KALRN: variants seen among roughly 807,000 people sequenced by gnomAD.
The protein encoded by KALRN is kalirin RhoGEF kinase.
KALRN carries 70 observed loss-of-function variants against 353.7 expected under a neutral mutation model. The observed-to-expected ratio is 0.20, with a 90% CI of 0.16 to 0.24. KALRN has a LOEUF of 0.24. KALRN is among the 10% of genes least tolerant of loss of function. KALRN has a pLI of 1.00. For synonymous variants in KALRN, 1,391 were observed against 1,434.8 expected, an observed-to-expected ratio of 0.97 and a Z score of 0.69; for missense variants, 2,791 against 3,756.7, an observed-to-expected ratio of 0.74 and a Z score of 6.72.
chr3:124,269,286 G>T, intron 5 of KALRN, 31 bp downstream of exon 5: 1 of 1,551,630 alleles, frequency 6.4e-7, no homozygotes, highest in South Asian at 1.2e-5. Context: ...ACCTGAGCCG[G>T]GATGGGGGTG....
intron 1 of KALRN, among the ~76,000 whole-genome samples, chr3:124,057,950 A>G (rs190460742): frequency 6.6e-6 from 1 of 152,338 alleles, no homozygotes; most frequent in African/African-American, 2.4e-5. Context: ...GCAATTTGCA[A>G]AAGAGGTTTA....
intron 10 of KALRN, among the ~76,000 whole-genome samples, chr3:124,371,429 A>G (rs1401097855): frequency 6.6e-6 from 1 of 152,138 alleles, no homozygotes. Context: ...TAGTGATTTC[A>G]TTTCCTTTGG....
intron 4 of KALRN, among the ~76,000 whole-genome samples, chr3:124,265,714 T>C (rs2073443276): frequency 6.6e-6 from 1 of 152,198 alleles, no homozygotes; most frequent in African/African-American, 2.4e-5. Context: ...TCCTATACAA[T>C]AGTATATATA....
At chr3:124,126,004 C>G (rs1389895435) in intron 1 of KALRN, among the ~76,000 whole-genome samples, 1 of 152,112 alleles carries the variant, frequency 6.6e-6, no homozygotes, top group Non-Finnish European at 1.5e-5. Flanking sequence ...CCCCAAATCT[C>G]GACAGCTTAC....
intron 34 of KALRN, among the ~76,000 whole-genome samples, chr3:124,598,245 G>A (rs1010148911): frequency 2.0e-5 from 3 of 152,188 alleles, no homozygotes; most frequent in Non-Finnish European, 2.9e-5. Flanking sequence ...ACCTAGGAGA[G>A]AGAGGTCCAG....
At position 124,563,076 on chromosome 3, in the gene KALRN, C is replaced by A. The variant is rs746304761; in HGVS notation, c.5169C>A (p.Phe1723Leu). 2.9e-6 allele frequency: 4 copies of A among 1,367,606 alleles called. No individual in the cohort carries two copies. The highest frequency in any genetic ancestry group is 2.1e-4 in the Middle Eastern group (1 of 4,764). 84.7% of individuals were successfully genotyped at this position (1,367,606 alleles called of 1,614,324 possible). A position where few individuals can be genotyped will look rare whatever the true frequency, so the allele number is the denominator to read the frequency against. ...GCAGCGTGGAGATGGACTGCTTCTT[C>A]CCCTTGGTGAAAGGTAGGAGAACAG... ...SRSSVEMDCFFPLVKDAYSHS... is the reference protein window; with the variant it reads ...SRSSVEMDCFLPLVKDAYSHS... The change falls in exon 34 of 60, where the codon TTC becomes TTA. Residue 1723 changes from phenylalanine (F) to leucine (L), a missense_variant. Physicochemically the swap from Phe to Leu is conservative, Grantham distance 22. Coordinates refer to ENST00000682506, the MANE Select transcript of KALRN (RefSeq NM_001388419.1).
At chr3:124,542,425 A>G (rs926603670) in intron 33 of KALRN, among the ~76,000 whole-genome samples, 1 of 152,214 alleles carries the variant, frequency 6.6e-6, no homozygotes, top group Non-Finnish European at 1.5e-5. Flanking sequence ...CACGTAAAGC[A>G]TATTATATTA....
chr3:124,624,293 A>G (rs2079678348), intron 34 of KALRN, among the ~76,000 whole-genome samples: 1 of 152,218 alleles, frequency 6.6e-6, no homozygotes, highest in Admixed American at 6.5e-5. Flanking sequence ...GATGGCTCCC[A>G]AAGCGCAAGA....
intron 1 of KALRN, among the ~76,000 whole-genome samples, chr3:124,093,496 T>G (rs957810840): frequency 2.6e-5 from 4 of 152,244 alleles, no homozygotes; most frequent in Admixed American, 1.3e-4. Flanking sequence ...GCTGGCCCAC[T>G]GTAAGAGGGG....
intron 1 of KALRN, among the ~76,000 whole-genome samples, chr3:124,174,144 A>C (rs2072313706): frequency 6.6e-6 from 1 of 152,110 alleles, no homozygotes; most frequent in Non-Finnish European, 1.5e-5. Flanking sequence ...TTAAAAGTAT[A>C]GCATTTGGGC....
chr3:124,433,290 T>TA (rs961520660), intron 16 of KALRN, among the ~76,000 whole-genome samples: 51 of 146,228 alleles, frequency 3.5e-4, no homozygotes, highest in East Asian at 1.4e-3. Flanking sequence ...TAAAAAGGAT[T>TA]AAAAAAAAAA....
intron 5 of KALRN, among the ~76,000 whole-genome samples, chr3:124,273,759 A>G (rs1287106081): frequency 1.3e-5 from 2 of 152,284 alleles, no homozygotes; most frequent in South Asian, 4.1e-4. Flanking sequence ...AACACAGAGT[A>G]ATTCAGAGAT....
intron 28 of KALRN, among the ~76,000 whole-genome samples, chr3:124,487,450 G>T (rs1271589616): frequency 2.0e-5 from 3 of 152,212 alleles, no homozygotes; most frequent in Non-Finnish European, 4.4e-5. Context: ...AGACAGGGTT[G>T]ATGTGGTGGA....
chr3:124,322,241 A>G (rs1220593263), intron 6 of KALRN, among the ~76,000 whole-genome samples: 1 of 152,238 alleles, frequency 6.6e-6, no homozygotes, highest in Non-Finnish European at 1.5e-5. Flanking sequence ...TGGAGTAGGC[A>G]GCACTATGCT....
intron 17 of KALRN, among the ~76,000 whole-genome samples, chr3:124,438,200 G>T (rs1480602608): frequency 6.6e-6 from 1 of 152,068 alleles, no homozygotes; most frequent in Non-Finnish European, 1.5e-5. Context: ...CCTTCAAAAT[G>T]CTTTTGCTCT....
chr3:124,442,009 G>A lies in KALRN; in HGVS notation c.3263G>A (p.Ser1088Asn). 6.2e-7 allele frequency: 1 copy of A among 1,607,656 alleles called. No homozygotes were observed. The highest frequency in any genetic ancestry group is 1.7e-4 in the Middle Eastern group (1 of 6,036). ...FLKYIHRNNV[S>N]MPSVASHTRG... ...AAGTACATCCACAGGAACAACGTCA[G>A]CATGCCCAGTGTCGCCAGCCACACT... Residue 1088 changes from serine to asparagine, a missense_variant, in exon 19 of 60, where the codon AGC (serine) becomes AAC (asparagine). By Grantham distance (46) the Ser-to-Asn change is conservative. This residue lies in a region of KALRN where 268 missense variants were observed against 347.0 expected (regional missense o/e 0.77). Transcript: ENST00000682506.
chr3:124,379,049 C>T (rs1351884749), intron 10 of KALRN, among the ~76,000 whole-genome samples: 2 of 151,926 alleles, frequency 1.3e-5, no homozygotes, highest in Non-Finnish European at 1.5e-5. Flanking sequence ...TGGATATTGG[C>T]CTGTCTGAAG....
intron 1 of KALRN, among the ~76,000 whole-genome samples, chr3:124,049,346 A>C (rs2040821057): frequency 6.6e-6 from 1 of 152,154 alleles, no homozygotes; most frequent in African/African-American, 2.4e-5. Context: ...ACCACTAAAT[A>C]GCTCTGTGAC....
chr3:124,646,390 A>ATTTTTTTTTTTTTTTTTT (rs1578623220), intron 37 of KALRN, among the ~76,000 whole-genome samples: 2 of 94,658 alleles, frequency 2.1e-5, no homozygotes, highest in African/African-American at 3.9e-5. Context: ...TCTTTTGTTT[A>ATTTTTTTTTTTTTTTTTT]CTTTTTTTTT....
Sources: allele counts gnomAD v4.1 joint callset (sites outside exome capture counted in the v4.1 genomes callset), GRCh38; gene constraint gnomAD v4.1.1; regional missense constraint gnomAD v4.1.1; transcripts MANE v1.5; gene names NCBI Gene and HGNC (gene_info 2026-07-23, HGNC 2026-07-21).